Variants in PKD1L3 observed in about 807,000 individuals in gnomAD.
PKD1L3 encodes the protein polycystin 1 like 3, transient receptor potential channel interacting, also known as polycystin-1-like protein 3.
PKD1L3 carries 239 observed loss-of-function variants against 184.1 expected under a neutral mutation model. The ratio of observed to expected loss-of-function variants is 1.30; its 90% CI spans 1.17 to 1.45. The LOEUF is 1.45. Among genes scored for constraint, PKD1L3 ranks in the 40% most tolerant of loss-of-function variants. The pLI is 0.00. For missense variants in PKD1L3, 2,660 were observed against 2,067.2 expected, an observed-to-expected ratio of 1.29 and a Z score of -5.56; for synonymous variants, 996 against 778.8, an observed-to-expected ratio of 1.28 and a Z score of -4.64.
chr16:71,967,427 G>A, intron 14 of PKD1L3, 112 bp from the exon 15 acceptor site: 2 of 1,052,616 alleles, frequency 1.9e-6, no homozygotes, highest in Non-Finnish European at 2.7e-6. Context: ...AAGTCTTTCG[G>A]ATCTTAGACA....
intron 2 of PKD1L3, among the ~76,000 whole-genome samples, chr16:71,996,046 C>CT (rs988244077): frequency 2.1e-4 from 32 of 151,622 alleles, no homozygotes; most frequent in Non-Finnish European, 3.1e-4. Context: ...GTGCATTTTT[C>CT]TTTTTTTTAA....
chr16:71,932,780 CTTTTTTTTTTTTTTT>C (rs71153681), intron 28 of PKD1L3, among the ~76,000 whole-genome samples: 84 of 97,092 alleles, frequency 8.7e-4, no homozygotes, highest in Non-Finnish European at 1.3e-3. Context: ...CGCACCTGGC[CTTTTTTTTTTTTTTT>C]TTTTTTTTTT....
intron 2 of PKD1L3, among the ~76,000 whole-genome samples, chr16:71,994,203 C>T (rs776904115): frequency 8.5e-5 from 13 of 152,146 alleles, no homozygotes; most frequent in Non-Finnish European, 1.3e-4. Flanking sequence ...TCGTGAAGCT[C>T]GAGCAGCCTG....
At chr16:71,930,684 T>G (rs998117381) in intron 28 of PKD1L3, 3 of 152,142 alleles carry the variant, frequency 2.0e-5, no homozygotes, top group African/African-American at 7.2e-5. Flanking sequence ...TTTTTAAAGG[T>G]ACAAGCATTG....
intron 15 of PKD1L3, among the ~76,000 whole-genome samples, chr16:71,964,038 A>G (rs1462804103): frequency 6.6e-6 from 1 of 152,040 alleles, no homozygotes; most frequent in African/African-American, 2.4e-5. Context: ...TTCTCACTCT[A>G]CTTAGTCTCA....
At chr16:71,936,084 C>A (rs1293751035) in intron 25 of PKD1L3, among the ~76,000 whole-genome samples, 1 of 151,930 alleles carries the variant, frequency 6.6e-6, no homozygotes, top group Non-Finnish European at 1.5e-5. Context: ...GCGTGAGCCA[C>A]CATGCCCAGC....
chr16:71,960,724 A>T (rs2039245073), intron 16 of PKD1L3, among the ~76,000 whole-genome samples: 1 of 152,200 alleles, frequency 6.6e-6, no homozygotes, highest in African/African-American at 2.4e-5. Context: ...TCTGCAACAA[A>T]AATGAGTATG....
intron 16 of PKD1L3, among the ~76,000 whole-genome samples, chr16:71,958,829 G>A (rs1369058788): frequency 7.1e-6 from 1 of 140,804 alleles, no homozygotes; most frequent in Non-Finnish European, 1.5e-5. Flanking sequence ...GCTCACACCT[G>A]TAATCTTAGC....
chr16:71,977,189 G>C, intron 11 of PKD1L3, 47 bp downstream of exon 11: 1 of 1,392,146 alleles, frequency 7.2e-7, no homozygotes, highest in Non-Finnish European at 1.0e-6. Context: ...CTACATCCTA[G>C]GCAAAAAGAA....
Position 71,986,311 on chromosome 16 carries a change from C to T in PKD1L3, c.744G>A (p.Leu248=). The change falls in exon 5 of 30, where the codon CTG becomes CTA. Residue 248 remains leucine (L), a synonymous_variant. Transcript: ENST00000620267. ...PVSVTHAGQS[L]AETTSSPKEE... ...CCTTTGGGCTTGAAGTTGTTTCTGC[C>T]AGAGATTGCCCAGCATGCGTGACAG... 1 of 1,551,992 alleles carries T rather than the reference C, an allele frequency of 6.4e-7. No individual in the cohort carries two copies. Among genetic ancestry groups the T allele is most frequent in the Non-Finnish European group, 8.7e-7 (1 of 1,147,062 alleles).
chr16:71,997,481 G>T (rs1159992377), intron 2 of PKD1L3, among the ~76,000 whole-genome samples: 2 of 152,080 alleles, frequency 1.3e-5, no homozygotes, highest in South Asian at 2.1e-4. Context: ...GGGCGCAGTG[G>T]CTCATGCCTG....
intron 16 of PKD1L3, among the ~76,000 whole-genome samples, chr16:71,961,553 C>T (rs1051519884): frequency 2.4e-5 from 3 of 124,078 alleles, no homozygotes; most frequent in East Asian, 4.3e-4. Flanking sequence ...GAGGTTGCCA[C>T]GCAGAAGCCA....
chr16:71,962,520 G>A (rs1320541181), intron 16 of PKD1L3, among the ~76,000 whole-genome samples: 2 of 151,954 alleles, frequency 1.3e-5, no homozygotes, highest in African/African-American at 2.4e-5. Context: ...ATGGAGTTTC[G>A]CTCCGTTGCC....
At chr16:71,947,700 CTCT>C in intron 21 of PKD1L3, 109 bp from the exon 22 acceptor site, 1 of 706,764 alleles carries the variant, frequency 1.4e-6, no homozygotes, top group East Asian at 2.8e-5. Flanking sequence ...AATTATTTGG[CTCT>C]TCATTTTAAT....
intron 16 of PKD1L3, among the ~76,000 whole-genome samples, chr16:71,961,879 G>C (rs1184467103): frequency 6.6e-6 from 1 of 152,170 alleles, no homozygotes; most frequent in Non-Finnish European, 1.5e-5. Context: ...TTTGTTCTGG[G>C]AGTCAAGTAC....
chr16:71,972,012 C>G (rs545824081), intron 12 of PKD1L3, among the ~76,000 whole-genome samples: 1 of 151,594 alleles, frequency 6.6e-6, no homozygotes, highest in Non-Finnish European at 1.5e-5. Context: ...GACAGGAGAT[C>G]GAGACCATCC....
rs767621433 is a variant in PKD1L3, at chr16:71,980,178, G to A, written c.1144-44C>T. On this transcript the variant is annotated intron_variant, in intron 7 of 29. Transcript: ENST00000620267. ...AGTGTGTGACTTGTAAAACCTCAGTGTCTTATGTTAGTAAAATAATGTTTT... is the reference window on the plus strand; with the variant it reads ...AGTGTGTGACTTGTAAAACCTCAGTATCTTATGTTAGTAAAATAATGTTTT... The A allele has an allele frequency of 3.9e-6, 6 of 1,533,812 alleles. No individual in the cohort carries two copies. The South Asian group carries it at 6.0e-5, about 15-fold the overall frequency.
At chr16:71,948,739 T>A (rs2038713580) in intron 21 of PKD1L3, among the ~76,000 whole-genome samples, 2 of 147,856 alleles carry the variant, frequency 1.4e-5, no homozygotes, top group African/African-American at 5.0e-5. Context: ...ATTTCTTACA[T>A]GTGTTTTGGC....
intron 16 of PKD1L3, among the ~76,000 whole-genome samples, chr16:71,960,097 G>A (rs2039213469): frequency 6.6e-6 from 1 of 151,810 alleles, no homozygotes; most frequent in Non-Finnish European, 1.5e-5. Context: ...CACTCCAGCT[G>A]GGGTGACAGA....
Sources: allele counts gnomAD v4.1 joint callset (sites outside exome capture counted in the v4.1 genomes callset), GRCh38; gene constraint gnomAD v4.1.1; transcripts MANE v1.5; gene names NCBI Gene and HGNC (gene_info 2026-07-23, HGNC 2026-07-21).